The following TNFAIP8 variants were observed in gnomAD, a reference collection of about 807,000 sequenced individuals.
TNFAIP8 encodes the protein TNF alpha induced protein 8.
Under a neutral mutation model 13.3 loss-of-function variants are expected in TNFAIP8, and 7 were observed. That is an observed-to-expected ratio of 0.52 (90% CI 0.30 to 0.99). The LOEUF is 0.99. Among genes scored for constraint, TNFAIP8 ranks in the 50% least tolerant of loss-of-function variants. The pLI, the probability that TNFAIP8 is intolerant of heterozygous loss-of-function variation, is 0.07. For missense variants in TNFAIP8, 258 were observed against 236.9 expected (o/e 1.09, Z -0.58); for synonymous variants, 94 against 87.6 (o/e 1.07, Z -0.41).
chr5:119,355,382 G>T, upstream of TNFAIP8: 1 of 702,470 alleles, frequency 1.4e-6, no homozygotes, highest in Non-Finnish European at 2.6e-6. Context: ...GTCTGCTTTT[G>T]CTGTGCAAAG....
intron 1 of TNFAIP8, among the ~76,000 whole-genome samples, chr5:119,294,546 C>A (rs917690713): frequency 2.6e-5 from 4 of 152,118 alleles, no homozygotes; most frequent in African/African-American, 9.7e-5. Context: ...ATTTATAGTC[C>A]TTTGGGTATA....
chr5:119,321,951 G>C (rs1474219549), intron 1 of TNFAIP8, among the ~76,000 whole-genome samples: 1 of 152,002 alleles, frequency 6.6e-6, no homozygotes, highest in Non-Finnish European at 1.5e-5. Context: ...CCCTGCCTCA[G>C]TCAGGCCACA....
intron 1 of TNFAIP8, among the ~76,000 whole-genome samples, chr5:119,335,723 A>C (rs1442983252): frequency 1.3e-5 from 2 of 152,112 alleles, no homozygotes; most frequent in Non-Finnish European, 2.9e-5. Context: ...CAGTGAACAA[A>C]GCAGATAGAA....
At chr5:119,302,146 T>C (rs891393699) in intron 1 of TNFAIP8, among the ~76,000 whole-genome samples, 5 of 152,236 alleles carry the variant, frequency 3.3e-5, no homozygotes, top group Admixed American at 6.5e-5. Flanking sequence ...GTTGTCCTAG[T>C]TGGGGTCAGG....
At position 119,392,851 on chromosome 5, in the gene TNFAIP8, G is replaced by A. The variant is rs373017362; in HGVS notation, c.67G>A (p.Val23Ile). ...TGTCTTTAATTCCAAAAACCTGGCC[G>A]TTCAGGCACAAAAGAAGATCTTGGG... ...TDVFNSKNLA[V>I]QAQKKILGKM... is the part of the protein sequence containing the mutation. Residue 23 changes from valine (V) to isoleucine (I), a missense_variant, in exon 2 of 2, where the codon GTT becomes ATT. Coordinates refer to ENST00000504771, the MANE Select transcript of TNFAIP8 (RefSeq NM_014350.4). 75 of 1,552,114 alleles carry A rather than the reference G, an allele frequency of 4.8e-5. No individual in the cohort carries two copies. Among genetic ancestry groups the A allele is most frequent in the African/African-American group, 7.0e-5 (5 of 71,476 alleles).
At chr5:119,330,107 G>A (rs990795025) in intron 1 of TNFAIP8, among the ~76,000 whole-genome samples, 6 of 152,060 alleles carry the variant, frequency 3.9e-5, no homozygotes, top group Non-Finnish European at 5.9e-5. Context: ...GTTTAGGCAC[G>A]CCATTGAAAG....
intron 1 of TNFAIP8, among the ~76,000 whole-genome samples, chr5:119,295,549 G>T (rs1749148993): frequency 6.6e-6 from 1 of 152,120 alleles, no homozygotes; most frequent in Non-Finnish European, 1.5e-5. Flanking sequence ...AGTATAGTTT[G>T]AAGTCAGGTA....
intron 1 of TNFAIP8, among the ~76,000 whole-genome samples, chr5:119,372,278 C>T (rs764536744): frequency 2.0e-4 from 29 of 146,544 alleles, no homozygotes; most frequent in Non-Finnish European, 3.7e-4. Flanking sequence ...GAGCAGAGAT[C>T]GTGCCACTTC....
intron 1 of TNFAIP8, among the ~76,000 whole-genome samples, chr5:119,384,359 C>T (rs1273271231): frequency 6.6e-6 from 1 of 152,008 alleles, no homozygotes; most frequent in Non-Finnish European, 1.5e-5. Context: ...GTGGCATGTG[C>T]CTATAATCAG....
chr5:119,313,482 T>C (rs1226473903), intron 1 of TNFAIP8, among the ~76,000 whole-genome samples: 1 of 152,208 alleles, frequency 6.6e-6, no homozygotes, highest in Non-Finnish European at 1.5e-5. Flanking sequence ...AGAGATGTTA[T>C]ACTGTTCCTA....
Position 119,381,153 on chromosome 5 carries a change from C to T in TNFAIP8, c.32-11663C>T, listed in dbSNP as rs545540586. Among the ~76,000 whole-genome samples the T allele has an allele frequency of 5.3e-5, 8 of 152,276 alleles. No individual in the cohort carries two copies. In the South Asian group the frequency reaches 6.2e-4, roughly 12 times the overall value. ...GGTTTAGCCATTTCTAAGAGGCCTC[C>T]GGCGCTTCTGTGGTGGACGGCCCAT... On this transcript the variant is annotated intron_variant, in intron 1 of 1. Transcript: ENST00000504771.
At chr5:119,391,021 G>A (rs1752872403) in intron 1 of TNFAIP8, among the ~76,000 whole-genome samples, 1 of 148,398 alleles carries the variant, frequency 6.7e-6, no homozygotes, top group Admixed American at 6.8e-5. Flanking sequence ...TGTTGCAATG[G>A]GGTTTTGCTA....
rs750671062 is a variant in TNFAIP8, at chr5:119,356,082, C to A, written c.-9C>A. ...GGTAATCGCCCCTGCAGCTGGTTAT[C>A]CTGACATTATGCACTCCGAAGCAGA... On this transcript the variant is annotated 5_prime_UTR_variant, in exon 1 of 2. Coordinates refer to ENST00000504771, the MANE Select transcript of TNFAIP8 (RefSeq NM_014350.4). 1 of 1,584,780 alleles carries A rather than the reference C, an allele frequency of 6.3e-7. No individual in the cohort carries two copies.
rs1753139426 is a variant in TNFAIP8 at position 119,399,119 on chromosome 5, A to G, written c.*5738A>G. ...CGAGGAGTCACATTTTTAGCTTGCT[A>G]AAATATTCACTGGAGAACATGGTGA... On this transcript the variant is annotated 3_prime_UTR_variant, in exon 2 of 2. Transcript: ENST00000504771. 2 of 152,204 alleles carry G rather than the reference A, an allele frequency of 1.3e-5. No individual in the cohort carries two copies. The highest frequency in any genetic ancestry group is 4.8e-5 in the African/African-American group (2 of 41,458). 9.4% of individuals were successfully genotyped at this position (152,204 alleles called of 1,614,324 possible).
intron 1 of TNFAIP8, among the ~76,000 whole-genome samples, chr5:119,329,308 T>C (rs1280592285): frequency 6.6e-6 from 1 of 152,182 alleles, no homozygotes; most frequent in East Asian, 1.9e-4. Flanking sequence ...TAGAAACAAG[T>C]ACTACATGAT....
In TNFAIP8 at chr5:119,271,665, G is replaced by A. The variant is rs575442779; in HGVS notation, c.1+2758G>A. Among the ~76,000 whole-genome samples the A allele has an allele frequency of 7.9e-5, 12 of 152,306 alleles. 1 individual carries two copies. The highest frequency in any genetic ancestry group is 7.8e-4 in the Admixed American group (12 of 15,296). ...CAGGGGCATTGACTTTGGCAATGGC[G>A]ACATGCACAGGGGCCAATCTGGATA... is the stretch of plus-strand genomic sequence containing the variant. On this transcript the variant is annotated intron_variant, in intron 1 of 1. Transcript: ENST00000274456.
At chr5:119,316,960 T>A (rs1749916804) in intron 1 of TNFAIP8, among the ~76,000 whole-genome samples, 2 of 152,068 alleles carry the variant, frequency 1.3e-5, no homozygotes, top group African/African-American at 4.8e-5. Context: ...TGGGCCAAAA[T>A]ATCAGTAGAA....
intron 1 of TNFAIP8, among the ~76,000 whole-genome samples, chr5:119,298,235 T>C (rs1415951304): frequency 3.3e-5 from 5 of 151,880 alleles, no homozygotes; most frequent in South Asian, 2.1e-4. Context: ...GATTTTGCAG[T>C]GGCTGGTACC....
intron 1 of TNFAIP8, among the ~76,000 whole-genome samples, chr5:119,350,112 A>C (rs1751064584): frequency 6.6e-6 from 1 of 152,192 alleles, no homozygotes. Flanking sequence ...AATACAAGAC[A>C]TTACTGCTAA....
Sources: allele counts gnomAD v4.1 joint callset (sites outside exome capture counted in the v4.1 genomes callset), GRCh38; gene constraint gnomAD v4.1.1; transcripts MANE v1.5; gene names NCBI Gene and HGNC (gene_info 2026-07-23, HGNC 2026-07-21).